The following RBFOX1 variants were observed in gnomAD, a reference collection of about 807,000 sequenced individuals.
RBFOX1 encodes RNA binding fox-1 homolog 1, also known as RNA binding protein fox-1 homolog 1.
A neutral mutation model predicts 57.7 loss-of-function variants in RBFOX1; 8 were observed. The observed-to-expected ratio is 0.14, with a 90% CI of 0.08 to 0.25. RBFOX1 has a LOEUF of 0.25. Among genes scored for constraint, RBFOX1 ranks in the 10% least tolerant of loss-of-function variants. The pLI is 1.00. For missense variants in RBFOX1, 611 were observed against 548.5 expected (o/e 1.11, Z -1.14); for synonymous variants, 326 against 222.4 (o/e 1.47, Z -4.15).
chr16:6,667,365 G>A (rs979623330), intron 3 of RBFOX1, among the ~76,000 whole-genome samples: 6 of 152,126 alleles, frequency 3.9e-5, no homozygotes, highest in African/African-American at 1.4e-4. Flanking sequence ...TCTAAAGAAT[G>A]CCAGGTGTAA....
chr16:5,868,581 G>A (rs973219776), intron 4 of RBFOX1, among the ~76,000 whole-genome samples: 11 of 152,244 alleles, frequency 7.2e-5, no homozygotes, highest in East Asian at 1.9e-4. Context: ...TTCAAATGTC[G>A]GCATCCTCGG....
intron 1 of RBFOX1, among the ~76,000 whole-genome samples, chr16:6,313,075 A>G (rs17139835): frequency 0.32 from 48,251 of 151,946 alleles, 8,090 homozygotes; most frequent in Middle Eastern, 0.41. Flanking sequence ...TAGGTGCTAA[A>G]AGCATCCCCA....
In RBFOX1 at chr16:5,382,221, C is replaced by G. The variant is rs537558266; in HGVS notation, c.220-84995C>G. Among the ~76,000 whole-genome samples the G allele has an allele frequency of 2.6e-5, 4 of 152,330 alleles. No individual in the cohort carries two copies. The South Asian group carries it at 6.2e-4, about 24-fold the overall frequency. ...CTTCATCAGTAATTGACAACATTGT[C>G]TCTAATGCTGTGATCAAGGGTACCA... is the stretch of plus-strand genomic sequence containing the variant. On this transcript the variant is annotated intron_variant, in intron 1 of 2. Coordinates refer to the RBFOX1 transcript ENST00000585867.
chr16:5,695,994 G>A (rs1427875974), intron 3 of RBFOX1, among the ~76,000 whole-genome samples: 1 of 152,112 alleles, frequency 6.6e-6, no homozygotes, highest in East Asian at 1.9e-4. Context: ...CAGTTATAGG[G>A]AATATGAGGA....
At chr16:6,789,121 TTTTAGTGA>T (rs2082474809) in intron 3 of RBFOX1, among the ~76,000 whole-genome samples, 1 of 151,628 alleles carries the variant, frequency 6.6e-6, no homozygotes. Context: ...CAGATTAGGA[TTTTAGTGA>T]AAAATTACCG....
chr16:5,699,896 C>T (rs558763316), intron 3 of RBFOX1, among the ~76,000 whole-genome samples: 6 of 152,184 alleles, frequency 3.9e-5, no homozygotes, highest in South Asian at 4.2e-4. Flanking sequence ...TGCAGTGGTG[C>T]GATCTCGGCT....
At chr16:6,436,331 A>G (rs2094231937) in intron 2 of RBFOX1, among the ~76,000 whole-genome samples, 1 of 152,084 alleles carries the variant, frequency 6.6e-6, no homozygotes, top group Non-Finnish European at 1.5e-5. Flanking sequence ...CTGTTAGTAT[A>G]TTTTATACCA....
chr16:6,235,109 C>T (rs1314021348), intron 1 of RBFOX1, among the ~76,000 whole-genome samples: 1 of 152,184 alleles, frequency 6.6e-6, no homozygotes, highest in East Asian at 1.9e-4. Context: ...ACAGACTCCA[C>T]TAAGACCTCA....
chr16:7,244,159 G>GA (rs540757597), intron 4 of RBFOX1, among the ~76,000 whole-genome samples: 284 of 125,392 alleles, frequency 2.3e-3, no homozygotes, highest in Middle Eastern at 6.7e-3. Flanking sequence ...TAACTCCAGA[G>GA]AAAAAAAATC....
intron 1 of RBFOX1, among the ~76,000 whole-genome samples, chr16:5,378,793 A>T (rs897245350): frequency 2.0e-5 from 3 of 151,574 alleles, no homozygotes; most frequent in African/African-American, 7.3e-5. Context: ...CATCCTTGTA[A>T]AGTGATTAGC....
chr16:6,800,004 C>T (rs1169373127), intron 3 of RBFOX1, among the ~76,000 whole-genome samples: 1 of 152,100 alleles, frequency 6.6e-6, no homozygotes, highest in East Asian at 1.9e-4. Context: ...CACATATATC[C>T]TATTAGTTCT....
intron 3 of RBFOX1, among the ~76,000 whole-genome samples, chr16:6,854,169 G>A (rs1382957647): frequency 6.6e-6 from 1 of 152,114 alleles, no homozygotes; most frequent in Admixed American, 6.5e-5. Context: ...ACGTTTATTA[G>A]TTTCAATAAC....
At chr16:7,396,304 GGCCCCTGA>G (rs1401174023) in intron 4 of RBFOX1, among the ~76,000 whole-genome samples, 7 of 152,116 alleles carry the variant, frequency 4.6e-5, no homozygotes, top group Non-Finnish European at 7.4e-5. Flanking sequence ...CACAAACTGT[GGCCCCTGA>G]GCAACAGTGT....
At chr16:5,635,620 C>T (rs1161214127) in intron 3 of RBFOX1, among the ~76,000 whole-genome samples, 1 of 150,290 alleles carries the variant, frequency 6.7e-6, no homozygotes, top group Non-Finnish European at 1.5e-5. Context: ...ATGCAGGTGG[C>T]TTAGTCATTG....
intron 2 of RBFOX1, among the ~76,000 whole-genome samples, chr16:6,324,090 G>T (rs537520708): frequency 6.6e-6 from 1 of 152,070 alleles, no homozygotes; most frequent in Non-Finnish European, 1.5e-5. Flanking sequence ...AGCTTTTAGC[G>T]TAACCATCAC....
chr16:6,799,199 C>G (rs2084783987), intron 3 of RBFOX1, among the ~76,000 whole-genome samples: 1 of 152,044 alleles, frequency 6.6e-6, no homozygotes, highest in Non-Finnish European at 1.5e-5. Context: ...GGAGGAGAGC[C>G]AGTTTACTAG....
chr16:7,357,658 G>A (rs1385002803), intron 4 of RBFOX1, among the ~76,000 whole-genome samples: 9 of 152,068 alleles, frequency 5.9e-5, no homozygotes, highest in South Asian at 2.1e-4. Context: ...AGTCTCTTGC[G>A]CAGGACTTTT....
intron 3 of RBFOX1, among the ~76,000 whole-genome samples, chr16:5,792,343 C>G (rs2054730588): frequency 6.6e-6 from 1 of 152,180 alleles, no homozygotes; most frequent in Non-Finnish European, 1.5e-5. Flanking sequence ...TTGACTCCTG[C>G]ACAACATGAG....
At chr16:6,548,589 A>C (rs995352515) in intron 2 of RBFOX1, among the ~76,000 whole-genome samples, 1 of 152,232 alleles carries the variant, frequency 6.6e-6, no homozygotes, top group African/African-American at 2.4e-5. Context: ...TACAAATAAA[A>C]CACGAATAAA....
Sources: gnomAD v4.1 joint callset for allele counts (sites outside exome capture counted in the v4.1 genomes callset) on GRCh38, gnomAD v4.1.1 for gene constraint, MANE v1.5 for transcripts, NCBI Gene and HGNC (gene_info 2026-07-23, HGNC 2026-07-21) for gene names.